Variants in KNTC1 observed in about 807,000 individuals in gnomAD.
KNTC1 encodes kinetochore associated 1.
A neutral mutation model predicts 314.4 loss-of-function variants in KNTC1; 253 were observed. The observed-to-expected ratio is 0.80, with a 90% CI of 0.73 to 0.89. The LOEUF (loss-of-function observed/expected upper bound fraction) is 0.89. Among genes scored for constraint, KNTC1 ranks in the 40% least tolerant of loss-of-function variants. The pLI is 0.00. For missense variants in KNTC1, 2,475 were observed against 2,572.9 expected, an observed-to-expected ratio of 0.96 and a Z score of 0.82; for synonymous variants, 901 against 901.4, an observed-to-expected ratio of 1.00 and a Z score of 0.01.
chr12:122,535,924 C>T (rs1395776579), intron 3 of KNTC1, among the ~76,000 whole-genome samples: 7 of 143,908 alleles, frequency 4.9e-5, no homozygotes, highest in South Asian at 2.2e-4. Flanking sequence ...GAGTCTCTCT[C>T]GCTCTGTCAC....
chr12:122,622,358 T>C lies in KNTC1; in HGVS notation c.6370-104T>C. 3 of 1,060,028 alleles carry C rather than the reference T, an allele frequency of 2.8e-6. No individual in the cohort carries two copies. The South Asian group carries it at 4.7e-5, about 17-fold the overall frequency. 65.7% of individuals were successfully genotyped at this position (1,060,028 alleles called of 1,614,324 possible). The stretch of plus-strand genomic sequence containing the variant: ...TAATTGGGCTTCCGATTGTCAGAAA[T>C]GTTTTGATATTGAATAAAGGCTTGA... On this transcript the variant is annotated intron_variant, in intron 61 of 63. Coordinates refer to ENST00000333479, the MANE Select transcript of KNTC1 (RefSeq NM_014708.6).
intron 16 of KNTC1, among the ~76,000 whole-genome samples, chr12:122,556,483 A>G (rs1222096849): frequency 1.0e-5 from 1 of 99,050 alleles, no homozygotes; most frequent in East Asian, 2.9e-4. Flanking sequence ...TCTACTCTCT[A>G]CTTTTTTTTT....
At chr12:122,603,916 C>G (rs1254221721) in intron 48 of KNTC1, among the ~76,000 whole-genome samples, 1 of 151,812 alleles carries the variant, frequency 6.6e-6, no homozygotes, top group African/African-American at 2.4e-5. Context: ...AAAAAATGCT[C>G]AGGTCAGGAA....
At chr12:122,581,555 C>T (rs1184867054) in intron 33 of KNTC1, among the ~76,000 whole-genome samples, 6 of 151,720 alleles carry the variant, frequency 4.0e-5, no homozygotes, top group Non-Finnish European at 2.9e-5. Flanking sequence ...AGGGCTGTGG[C>T]ATGATCTCAG....
intron 40 of KNTC1, 119 bp from the exon 41 acceptor site, chr12:122,590,488 T>G (rs1454306762): frequency 2.0e-6 from 2 of 1,009,194 alleles, no homozygotes; most frequent in Non-Finnish European, 2.8e-6. Flanking sequence ...CTTTAAAAAG[T>G]TTTTTTTAAG....
At chr12:122,575,928 TC>T (rs1288081177) in intron 29 of KNTC1, 29 bp downstream of exon 29, 3 of 1,565,864 alleles carry the variant, frequency 1.9e-6, no homozygotes, top group Non-Finnish European at 2.6e-6. Flanking sequence ...GAGTCTTTTT[TC>T]TCTTTCATTT....
intron 2 of KNTC1, among the ~76,000 whole-genome samples, chr12:122,533,403 A>C (rs1487440245): frequency 6.6e-6 from 1 of 152,154 alleles, no homozygotes; most frequent in Admixed American, 6.5e-5. Context: ...AAGTAAAAAG[A>C]TAAGAAGGAG....
In KNTC1 at chr12:122,539,715, T is replaced by TA; in HGVS notation, c.407dup (p.Tyr136Ter). The TA allele has an allele frequency of 6.3e-7, 1 of 1,583,330 alleles. No homozygotes were observed. Among genetic ancestry groups the TA allele is most frequent in the East Asian group, 2.3e-5 (1 of 43,836 alleles). ...AGCTAACGATGAAAATCGGCGGACT[T>TA]ACCAGAATCTTGTCATTGAGAAGGA... The part of the protein sequence containing the change: ...QKANDENRRT[Y>*]QNLVIEKDGS... The change falls in exon 5 of 64, where the codon TAC becomes TAAC. Residue 136 changes from tyrosine to a stop codon, truncating the protein, a stop_gained and frameshift_variant. Coordinates refer to ENST00000333479, the MANE Select transcript of KNTC1 (RefSeq NM_014708.6). LOFTEE classifies it high-confidence loss of function.
chr12:122,559,641 C>G (rs1294546585), intron 18 of KNTC1, among the ~76,000 whole-genome samples: 1 of 151,474 alleles, frequency 6.6e-6, no homozygotes, highest in African/African-American at 2.4e-5. Context: ...GGTGTGATCT[C>G]GGCTCACTGC....
intron 1 of KNTC1, among the ~76,000 whole-genome samples, chr12:122,529,319 A>T (rs966523406): frequency 6.6e-6 from 1 of 152,118 alleles, no homozygotes; most frequent in Admixed American, 6.6e-5. Context: ...TATGAAACCA[A>T]TTGTAATTAT....
Position 122,530,128 on chromosome 12 carries a change from C to T in KNTC1, c.65C>T (p.Ser22Leu), listed in dbSNP as rs1397726585. 1 of 1,613,500 alleles carries T rather than the reference C, an allele frequency of 6.2e-7. No individual in the cohort carries two copies. Among genetic ancestry groups the T allele is most frequent in the South Asian group, 1.1e-5 (1 of 91,022 alleles). Residue 22 changes from serine to leucine, a missense_variant, in exon 2 of 64, where the codon TCA (serine) becomes TTA (leucine). Physicochemically the swap from Ser to Leu is moderately radical, Grantham distance 145. Coordinates refer to ENST00000333479, the MANE Select transcript of KNTC1 (RefSeq NM_014708.6). ...DTGSGYLSVG[S>L]RKEHGTALYQ... ...GGAAGTGGGTACCTGAGTGTCGGTT[C>T]AAGAAAAGAACATGGAACTGCTTTA...
chr12:122,575,527 C>T lies in KNTC1; in HGVS notation c.2383-16C>T, dbSNP rs773104950. The T allele has an allele frequency of 1.5e-5, 23 of 1,552,036 alleles. No individual in the cohort carries two copies. Among genetic ancestry groups the T allele is most frequent in the Admixed American group, 1.9e-5 (1 of 52,480 alleles). ...ACCTGAGGGCTGTTCCTTGTCCATG[C>T]GTGCATCTTTTGTAGCTCATATTTG... On this transcript the variant is annotated splice_polypyrimidine_tract_variant and intron_variant, in intron 27 of 63. Transcript: ENST00000333479.
intron 24 of KNTC1, 91 bp downstream of exon 24, chr12:122,571,217 C>T: frequency 1.1e-6 from 1 of 877,392 alleles, no homozygotes; most frequent in East Asian, 2.6e-5. Context: ...GGAAATATAT[C>T]TACTTCTTAA....
At chr12:122,564,969 C>G (rs1230202995) in intron 20 of KNTC1, among the ~76,000 whole-genome samples, 2 of 152,104 alleles carry the variant, frequency 1.3e-5, no homozygotes. Context: ...GGTGCAGTTG[C>G]TAAGGCAAAA....
intron 63 of KNTC1, among the ~76,000 whole-genome samples, chr12:122,624,992 T>C (rs1186640711): frequency 6.6e-6 from 1 of 152,216 alleles, no homozygotes; most frequent in African/African-American, 2.4e-5. Flanking sequence ...TTTTTAATAT[T>C]GAAGCAGGTG....
Position 122,603,071 on chromosome 12 carries a change from C to T in KNTC1, c.4929C>T (p.Phe1643=), listed in dbSNP as rs377523254. Residue 1643 remains phenylalanine (F), a synonymous_variant, in exon 48 of 64, where the codon TTC becomes TTT. Transcript: ENST00000333479. ...TLYVSTAKHV[F]EKKLKPKLLK... ...ACGTGTCTACAGCAAAACACGTTTT[C>T]GAAAAAAAACTGAAGCCAAAGCTCC... 3.6e-5 allele frequency: 58 copies of T among 1,613,300 alleles called. No homozygotes were observed. Among genetic ancestry groups the T allele is most frequent in the Middle Eastern group, 1.6e-4 (1 of 6,084 alleles).
intron 12 of KNTC1, among the ~76,000 whole-genome samples, chr12:122,549,410 C>G (rs560443264): frequency 4.0e-5 from 6 of 150,350 alleles, no homozygotes; most frequent in Admixed American, 2.0e-4. Context: ...AGTGCAGTGG[C>G]ACAATCTCGG....
chr12:122,566,700 C>T (rs1275436015), intron 20 of KNTC1, among the ~76,000 whole-genome samples: 1 of 151,554 alleles, frequency 6.6e-6, no homozygotes, highest in Non-Finnish European at 1.5e-5. Flanking sequence ...TGAGCCACTG[C>T]ACCCAGCCAA....
rs368483300 is a variant in KNTC1, at chr12:122,618,361, G to A, written c.6049G>A (p.Ala2017Thr). 36 of 1,613,636 alleles carry A rather than the reference G, an allele frequency of 2.2e-5. No homozygotes were observed. Among genetic ancestry groups the A allele is most frequent in the Admixed American group, 6.7e-5 (4 of 59,964 alleles). ...TTCACAGGTTCCCTACTTCAGCAAA[G>A]CGTGGCAGCGTGTGATACAGATACC... ...SLWQVPYFSKAWQRVIQIPLL... is the reference protein window; with the variant it reads ...SLWQVPYFSKTWQRVIQIPLL... The change falls in exon 58 of 64, where the codon GCG becomes ACG. Residue 2017 changes from alanine to threonine, a missense_variant. Coordinates refer to ENST00000333479, the MANE Select transcript of KNTC1 (RefSeq NM_014708.6).
Sources: allele counts gnomAD v4.1 joint callset (sites outside exome capture counted in the v4.1 genomes callset), GRCh38; gene constraint gnomAD v4.1.1; transcripts MANE v1.5; gene names NCBI Gene and HGNC (gene_info 2026-07-23, HGNC 2026-07-21).